KIF4A: variants seen among roughly 807,000 people sequenced by gnomAD.
The protein encoded by KIF4A is kinesin family member 4A.
A neutral mutation model predicts 105.9 loss-of-function variants in KIF4A; 7 were observed. The observed-to-expected ratio is 0.07, with a 90% CI of 0.04 to 0.12. The LOEUF is 0.12. KIF4A is among the 10% of genes least tolerant of loss of function. The pLI, the probability that KIF4A is intolerant of heterozygous loss-of-function variation, is 1.00. For synonymous variants in KIF4A, 281 were observed against 331.3 expected (o/e 0.85, Z 1.65); for missense variants, 558 against 929.2 (o/e 0.60, Z 5.19).
intron 7 of KIF4A, among the ~76,000 whole-genome samples, chrX:70,314,605 A>G (rs1446532146): frequency 3.6e-5 from 4 of 112,024 alleles, no homozygotes. Flanking sequence ...TAGAAGCAAC[A>G]TCTGGGCTAG....
In KIF4A at chrX:70,353,780, A is replaced by C. The variant is rs1187148670; in HGVS notation, c.1647A>C (p.Gln549His). Reference sequence around the variant, plus strand: ...GGAAGATGACTCAGAATGACAGCCAACTGCAGCCCATTCAGTACCAATACC... The same window carrying C: ...GGAAGATGACTCAGAATGACAGCCACCTGCAGCCCATTCAGTACCAATACC... ...LARKMTQNDSQLQPIQYQYQD... is the reference protein window; with the variant it reads ...LARKMTQNDSHLQPIQYQYQD... Residue 549 changes from glutamine (Q) to histidine (H), a missense_variant, in exon 15 of 31, where the codon CAA (glutamine) becomes CAC (histidine). Transcript: ENST00000374403. 3 of 1,193,419 alleles carry C rather than the reference A, an allele frequency of 2.5e-6. No individual in the cohort carries two copies. Among genetic ancestry groups the C allele is most frequent in the Non-Finnish European group, 1.1e-6 (1 of 885,739 alleles).
chrX:70,301,749 T>C (rs2085805327), intron 5 of KIF4A, 151 bp from the exon 6 acceptor site: 8 of 534,633 alleles, frequency 1.5e-5, no homozygotes, highest in Non-Finnish European at 2.4e-5. Flanking sequence ...CTTCACAGAG[T>C]TGCCAGTTAA....
At chrX:70,400,184 C>T (rs1452039555) in intron 22 of KIF4A, among the ~76,000 whole-genome samples, 1 of 105,327 alleles carries the variant, frequency 9.5e-6, no homozygotes, top group African/African-American at 3.5e-5. Flanking sequence ...TCCCCCACCC[C>T]ACAACAGTCC....
chrX:70,372,217 C>T lies in KIF4A; in HGVS notation c.1675-1934C>T, dbSNP rs1389491669. ...CAGACGATGGGCGGCCAGGCAGAGA[C>T]GCTCCTCACTTCCCAGACGGGGTGG... On this transcript the variant is annotated intron_variant, in intron 15 of 30. Coordinates refer to ENST00000374403, the MANE Select transcript of KIF4A (RefSeq NM_012310.5). Among the ~76,000 whole-genome samples, 18 of 111,196 alleles carry T rather than the reference C, an allele frequency of 1.6e-4. No individual in the cohort carries two copies. The East Asian group carries it at 3.7e-3, about 23-fold the overall frequency.
intron 20 of KIF4A, among the ~76,000 whole-genome samples, chrX:70,388,489 T>A (rs1303750936): frequency 8.9e-6 from 1 of 111,983 alleles, no homozygotes; most frequent in Non-Finnish European, 1.9e-5. Context: ...AAAGCAGTTG[T>A]ACCATTTTAC....
intron 15 of KIF4A, among the ~76,000 whole-genome samples, chrX:70,365,949 ACTT>A (rs1227039631): frequency 9.0e-6 from 1 of 111,075 alleles, no homozygotes; most frequent in African/African-American, 3.3e-5. Context: ...CAGAGATTCA[ACTT>A]CTTCCTGGTT....
Position 70,405,879 on chromosome X carries a change from C to T in KIF4A, c.2950C>T (p.Leu984Phe). The change falls in exon 26 of 31, where the codon CTC (leucine) becomes TTC (phenylalanine). Residue 984 changes from leucine (L) to phenylalanine (F), a missense_variant. Leu to Phe is a conservative substitution (Grantham distance 22, BLOSUM62 0). Around this residue, in one of 2 missense-constraint regions of KIF4A, gnomAD observed 469 missense variants for 680.4 expected, o/e 0.69. Coordinates refer to ENST00000374403, the MANE Select transcript of KIF4A (RefSeq NM_012310.5). ...AGTGTGTGAGCAAAATCAGCAGCTT[C>T]TCCGAGAGAATGAAATCATCAAGCA... ...REVCEQNQQL[L>F]RENEIIKQKL... is the part of the protein sequence containing the mutation. 8.3e-7 allele frequency: 1 copy of T among 1,208,365 alleles called. No individual in the cohort carries two copies. Among genetic ancestry groups the T allele is most frequent in the Non-Finnish European group, 1.1e-6 (1 of 892,658 alleles).
chrX:70,401,079 A>ATTTTTTTTT (rs1271801890), intron 22 of KIF4A, among the ~76,000 whole-genome samples: 1 of 74,069 alleles, frequency 1.4e-5, no homozygotes, highest in Non-Finnish European at 2.6e-5. Context: ...TAGGTTTATG[A>ATTTTTTTTT]TTTTTTTTTT....
chrX:70,349,649 C>T (rs1430430904), intron 13 of KIF4A, among the ~76,000 whole-genome samples: 6 of 91,084 alleles, frequency 6.6e-5, no homozygotes, highest in African/African-American at 1.3e-4. Context: ...ACTTCCCAGA[C>T]GGGGTGGCGG....
In KIF4A at chrX:70,406,926, G is replaced by C. The variant is rs1245546980; in HGVS notation, c.3106G>C (p.Glu1036Gln). The C allele has an allele frequency of 1.7e-6, 2 of 1,209,696 alleles. No homozygotes were observed. The highest frequency in any genetic ancestry group is 4.4e-5 in the Admixed American group (2 of 45,612). The change falls in exon 28 of 31, where the codon GAG becomes CAG. Residue 1036 changes from glutamate (E) to glutamine (Q), a missense_variant. Glu to Gln is a conservative substitution (Grantham distance 29). Around this residue, in one of 2 missense-constraint regions of KIF4A, gnomAD observed 469 missense variants for 680.4 expected, o/e 0.69. Transcript: ENST00000374403. The stretch of plus-strand genomic sequence containing the variant: ...TTCTCGTGTTAAAGAAAAGTTCCTG[G>C]AGCAAAGCATGGACATCGAGGATCT... ...KPSRVKEKFL[E>Q]QSMDIEDLKY...
At chrX:70,322,239 T>G (rs2085893272) in intron 7 of KIF4A, among the ~76,000 whole-genome samples, 1 of 110,564 alleles carries the variant, frequency 9.0e-6, no homozygotes, top group African/African-American at 3.3e-5. Context: ...ATGTCCCACA[T>G]GTATCTCCCA....
intron 7 of KIF4A, among the ~76,000 whole-genome samples, chrX:70,315,141 G>A (rs1465097015): frequency 8.9e-6 from 1 of 111,868 alleles, no homozygotes; most frequent in Admixed American, 9.5e-5. Context: ...TCAACATTAT[G>A]TTCTTGAGAT....
At chrX:70,367,871 G>T (rs929939963) in intron 15 of KIF4A, among the ~76,000 whole-genome samples, 3 of 111,770 alleles carry the variant, frequency 2.7e-5, no homozygotes, top group Non-Finnish European at 5.6e-5. Flanking sequence ...CATTCTCCCC[G>T]TCACTTTCAG....
chrX:70,340,158 C>A (rs2085966887), intron 10 of KIF4A, among the ~76,000 whole-genome samples: 1 of 111,567 alleles, frequency 9.0e-6, no homozygotes, highest in African/African-American at 3.3e-5. Flanking sequence ...TATTTAACTT[C>A]TTTGTGCCTC....
chrX:70,328,516 C>G (rs927120991), intron 7 of KIF4A, among the ~76,000 whole-genome samples: 1 of 111,820 alleles, frequency 8.9e-6, no homozygotes, highest in Non-Finnish European at 1.9e-5. Flanking sequence ...TTGGAGGAGA[C>G]GCAAACATTT....
intron 15 of KIF4A, among the ~76,000 whole-genome samples, chrX:70,355,082 C>T (rs766468916): frequency 2.9e-4 from 32 of 111,716 alleles, no homozygotes; most frequent in African/African-American, 1.0e-3. Context: ...TCTTCTGCCT[C>T]CTGCCTCCCC....
intron 13 of KIF4A, among the ~76,000 whole-genome samples, chrX:70,347,974 CAA>C (rs61178799): frequency 4.3e-5 from 1 of 23,157 alleles, no homozygotes; most frequent in Admixed American, 4.6e-4. Flanking sequence ...GACTCCGTCT[CAA>C]AAAAAAAAAA....
At position 70,420,290 on chromosome X, in the gene KIF4A, C is replaced by G. The variant is rs775678317; in HGVS notation, c.*25C>G. 7 of 1,179,960 alleles carry G rather than the reference C, an allele frequency of 5.9e-6. No individual in the cohort carries two copies. The African/African-American group carries it at 7.1e-5, about 12-fold the overall frequency. On this transcript the variant is annotated 3_prime_UTR_variant, in exon 31 of 31. Coordinates refer to ENST00000374403, the MANE Select transcript of KIF4A (RefSeq NM_012310.5). Reference sequence around the variant, plus strand: ...AAGTTGGAGTCATCATCTCTACCCCCAGTCTGGCTTGGGAGATGCTTTCAG... The same window carrying G: ...AAGTTGGAGTCATCATCTCTACCCCGAGTCTGGCTTGGGAGATGCTTTCAG...
chrX:70,403,722 C>G, intron 23 of KIF4A, 142 bp from the exon 24 acceptor site: 1 of 488,860 alleles, frequency 2.0e-6, no homozygotes, highest in Non-Finnish European at 3.4e-6. Context: ...ATCCATATGA[C>G]ATGAAAAAAT....
Sources: allele counts gnomAD v4.1 joint callset (sites outside exome capture counted in the v4.1 genomes callset), GRCh38; gene constraint gnomAD v4.1.1; regional missense constraint gnomAD v4.1.1; transcripts MANE v1.5; gene names NCBI Gene and HGNC (gene_info 2026-07-23, HGNC 2026-07-21).